The following CNTN4 variants were observed in gnomAD, a reference collection of about 807,000 sequenced individuals.
CNTN4 encodes contactin 4.
In CNTN4, 77 loss-of-function variants were observed where a neutral mutation model predicts 122.5. That is an observed-to-expected ratio of 0.63 (90% CI 0.52 to 0.76). CNTN4 has a LOEUF of 0.76. Ranked by LOEUF, CNTN4 falls within the 30% of genes least tolerant of loss-of-function variation. The pLI is 0.00. For missense variants in CNTN4, 1,256 were observed against 1,259.1 expected (o/e 1.00, Z 0.04); for synonymous variants, 512 against 447.0 (o/e 1.15, Z -1.83).
chr3:2,397,276 A>G (rs1326416050), intron 3 of CNTN4, among the ~76,000 whole-genome samples: 1 of 152,174 alleles, frequency 6.6e-6, no homozygotes, highest in Non-Finnish European at 1.5e-5. Context: ...CAGCTCTTAT[A>G]TTCTTTGAAG....
At chr3:2,588,580 T>G (rs1213429960) in intron 4 of CNTN4, among the ~76,000 whole-genome samples, 1 of 151,986 alleles carries the variant, frequency 6.6e-6, no homozygotes, top group African/African-American at 2.4e-5. Flanking sequence ...TTGGCCAGAC[T>G]GGTCTTGAAT....
intron 3 of CNTN4, among the ~76,000 whole-genome samples, chr3:2,363,503 A>T (rs953508315): frequency 6.6e-6 from 1 of 152,192 alleles, no homozygotes; most frequent in Non-Finnish European, 1.5e-5. Flanking sequence ...GGTCATTTAT[A>T]TGTCTCATTT....
chr3:2,572,143 T>A (rs1183787828), intron 4 of CNTN4, among the ~76,000 whole-genome samples: 2 of 152,158 alleles, frequency 1.3e-5, no homozygotes, highest in African/African-American at 2.4e-5. Context: ...ATCCCAGCAC[T>A]TTGGGAGGCT....
At chr3:2,296,790 A>G (rs2042329268) in intron 2 of CNTN4, among the ~76,000 whole-genome samples, 1 of 106,726 alleles carries the variant, frequency 9.4e-6, no homozygotes, top group Non-Finnish European at 2.0e-5. Context: ...CTTTGCTCTG[A>G]AAAAAAAAAA....
At chr3:2,470,679 A>G (rs1373464408) in intron 3 of CNTN4, among the ~76,000 whole-genome samples, 1 of 152,202 alleles carries the variant, frequency 6.6e-6, no homozygotes, top group East Asian at 1.9e-4. Flanking sequence ...AGACTCTAAT[A>G]GTCTCTAACC....
intron 3 of CNTN4, among the ~76,000 whole-genome samples, chr3:2,402,682 C>T (rs751002423): frequency 2.0e-5 from 3 of 152,034 alleles, no homozygotes; most frequent in Non-Finnish European, 4.4e-5. Flanking sequence ...ACTCGTTTGC[C>T]ATCCCTCTTT....
At chr3:2,279,186 G>C (rs891398608) in intron 2 of CNTN4, among the ~76,000 whole-genome samples, 1 of 149,632 alleles carries the variant, frequency 6.7e-6, no homozygotes, top group Non-Finnish European at 1.5e-5. Flanking sequence ...ATTCAGGCAA[G>C]GAATAAGGAT....
chr3:2,359,621 G>C (rs148143875), intron 3 of CNTN4, among the ~76,000 whole-genome samples: 1,755 of 152,196 alleles, frequency 0.012, 36 homozygotes, highest in African/African-American at 0.04. Flanking sequence ...CTCACTGCAA[G>C]CCCCGCCTCC....
chr3:2,417,780 G>C (rs1051783058), intron 3 of CNTN4, among the ~76,000 whole-genome samples: 1 of 152,130 alleles, frequency 6.6e-6, no homozygotes, highest in East Asian at 1.9e-4. Context: ...TACACCTAGA[G>C]AATGGAATAA....
chr3:2,847,876 G>A (rs1420944272), intron 7 of CNTN4, among the ~76,000 whole-genome samples: 3 of 152,116 alleles, frequency 2.0e-5, no homozygotes, highest in South Asian at 2.1e-4. Flanking sequence ...TACCGGGGCC[G>A]ACTTGACACC....
intron 13 of CNTN4, among the ~76,000 whole-genome samples, chr3:2,981,372 A>G (rs1481215370): frequency 6.3e-4 from 95 of 151,864 alleles, no homozygotes; most frequent in South Asian, 2.1e-3. Flanking sequence ...TGAACCCAGG[A>G]GTTGGAGCTT....
At chr3:2,774,388 C>G (rs1216156098) in intron 6 of CNTN4, among the ~76,000 whole-genome samples, 1 of 152,176 alleles carries the variant, frequency 6.6e-6, no homozygotes, top group Non-Finnish European at 1.5e-5. Context: ...ATTGTTCCTT[C>G]TCTCTTCCAC....
intron 2 of CNTN4, among the ~76,000 whole-genome samples, chr3:2,288,517 A>T (rs2042020963): frequency 6.6e-6 from 1 of 152,120 alleles, no homozygotes; most frequent in Non-Finnish European, 1.5e-5. Flanking sequence ...CCTCCTTGCA[A>T]CATTGAGGAT....
chr3:2,554,085 C>T (rs1371672177), intron 3 of CNTN4, among the ~76,000 whole-genome samples: 1 of 152,122 alleles, frequency 6.6e-6, no homozygotes, highest in Non-Finnish European at 1.5e-5. Context: ...CAGCTTTACT[C>T]CTGTCTGGCC....
chr3:2,821,117 G>A (rs1053756927), intron 7 of CNTN4, among the ~76,000 whole-genome samples: 6 of 151,480 alleles, frequency 4.0e-5, no homozygotes, highest in Non-Finnish European at 7.4e-5. Flanking sequence ...ACCCACCACC[G>A]TGCCAATTTT....
intron 3 of CNTN4, among the ~76,000 whole-genome samples, chr3:2,383,890 A>G (rs1354745967): frequency 2.0e-5 from 3 of 152,192 alleles, no homozygotes; most frequent in East Asian, 1.9e-4. Flanking sequence ...GTGTTCTAAT[A>G]AACCCATTGT....
chr3:2,217,662 G>C (rs568514381), intron 2 of CNTN4, among the ~76,000 whole-genome samples: 2 of 143,770 alleles, frequency 1.4e-5, no homozygotes, highest in African/African-American at 5.3e-5. Context: ...CAAAACCAAA[G>C]GCCTGAGAAA....
In CNTN4 at chr3:2,988,416, G is replaced by A; in HGVS notation, c.1430G>A (p.Cys477Tyr). The part of the protein sequence containing the change: ...VTKSDAGSYT[C>Y]IATNHFGTAS... Reference sequence around the variant, plus strand: ...AAATCAGACGCTGGGAGTTATACCTGTATAGCCACTAACCATTTTGGAACT... The same window carrying A: ...AAATCAGACGCTGGGAGTTATACCTATATAGCCACTAACCATTTTGGAACT... Residue 477 changes from cysteine to tyrosine, a missense_variant, in exon 14 of 25, where the codon TGT (cysteine) becomes TAT (tyrosine). Coordinates refer to ENST00000418658, the MANE Select transcript of CNTN4 (RefSeq NM_175607.3). 6.2e-7 allele frequency: 1 copy of A among 1,613,722 alleles called. No individual in the cohort carries two copies. The highest frequency in any genetic ancestry group is 8.5e-7 in the Non-Finnish European group (1 of 1,179,722).
intron 6 of CNTN4, among the ~76,000 whole-genome samples, chr3:2,772,374 C>T (rs2091142266): frequency 1.5e-5 from 2 of 133,722 alleles, no homozygotes; most frequent in African/African-American, 3.0e-5. Flanking sequence ...CGTCAAGGTT[C>T]GTTGGATGGT....
Sources: gnomAD v4.1 joint callset for allele counts (sites outside exome capture counted in the v4.1 genomes callset) on GRCh38, gnomAD v4.1.1 for gene constraint, MANE v1.5 for transcripts, NCBI Gene and HGNC (gene_info 2026-07-23, HGNC 2026-07-21) for gene names.